The following CDC14A variants were observed in gnomAD, a reference collection of about 807,000 sequenced individuals.
CDC14A encodes the protein cell division cycle 14A, also known as dual specificity protein phosphatase CDC14A.
CDC14A carries 53 observed loss-of-function variants against 74.4 expected under a neutral mutation model. That is an observed-to-expected ratio of 0.71 (90% CI 0.57 to 0.89). The LOEUF (loss-of-function observed/expected upper bound fraction) is 0.89. CDC14A is among the 40% of genes least tolerant of loss of function. The pLI is 0.00. For synonymous variants in CDC14A, 247 were observed against 258.4 expected (o/e 0.96, Z 0.43); for missense variants, 646 against 713.7 (o/e 0.91, Z 1.08).
At chr1:100,454,694 A>G (rs1419277432) in intron 7 of CDC14A, among the ~76,000 whole-genome samples, 1 of 152,224 alleles carries the variant, frequency 6.6e-6, no homozygotes, top group Non-Finnish European at 1.5e-5. Context: ...CTAATTTAAA[A>G]AGTCAACATT....
intron 13 of CDC14A, among the ~76,000 whole-genome samples, chr1:100,496,420 A>G (rs1647837108): frequency 6.6e-6 from 1 of 151,988 alleles, no homozygotes; most frequent in Admixed American, 6.6e-5. Context: ...ATTTTTTCCC[A>G]ATCAGCATGC....
chr1:100,420,031 TACAC>T (rs368385925), intron 4 of CDC14A, among the ~76,000 whole-genome samples: 43 of 82,886 alleles, frequency 5.2e-4, no homozygotes, highest in Admixed American at 8.5e-4. Context: ...TATACATATA[TACAC>T]ACACACACAC....
chr1:100,516,711 G>A (rs894063585), intron 15 of CDC14A, among the ~76,000 whole-genome samples: 3 of 152,046 alleles, frequency 2.0e-5, no homozygotes, highest in African/African-American at 4.8e-5. Context: ...GGTAGCTGGC[G>A]TCCCTCAAGT....
intron 3 of CDC14A, among the ~76,000 whole-genome samples, chr1:100,381,409 C>T (rs537989656): frequency 3.3e-5 from 5 of 152,164 alleles, no homozygotes; most frequent in African/African-American, 9.7e-5. Flanking sequence ...CTAGTAACTT[C>T]GTCTTAGGAT....
intron 5 of CDC14A, among the ~76,000 whole-genome samples, chr1:100,430,279 A>G (rs541004966): frequency 1.1e-4 from 16 of 152,274 alleles, no homozygotes; most frequent in African/African-American, 3.9e-4. Context: ...GGAATATCCA[A>G]GTTTTCTTGC....
chr1:100,443,831 G>A (rs775294323), intron 7 of CDC14A, among the ~76,000 whole-genome samples: 1 of 152,132 alleles, frequency 6.6e-6, no homozygotes, highest in Non-Finnish European at 1.5e-5. Context: ...AGCAGAGTAG[G>A]ATAAGGAGGA....
intron 12 of CDC14A, among the ~76,000 whole-genome samples, chr1:100,495,186 G>A (rs1294529525): frequency 6.6e-6 from 1 of 152,196 alleles, no homozygotes; most frequent in Non-Finnish European, 1.5e-5. Flanking sequence ...CTGGGACTCT[G>A]TTTCAAATTC....
intron 4 of CDC14A, among the ~76,000 whole-genome samples, chr1:100,402,292 A>C (rs1659370114): frequency 6.6e-6 from 1 of 152,202 alleles, no homozygotes; most frequent in African/African-American, 2.4e-5. Context: ...AGTGAGGACT[A>C]TCAGTGTTCC....
At chr1:100,420,448 A>G (rs2101069596) in intron 4 of CDC14A, among the ~76,000 whole-genome samples, 1 of 152,214 alleles carries the variant, frequency 6.6e-6, no homozygotes. Context: ...TTTGCAGATG[A>G]ATTCTAAGAG....
chr1:100,370,261 G>C (rs1654934123), intron 2 of CDC14A, among the ~76,000 whole-genome samples: 1 of 151,940 alleles, frequency 6.6e-6, no homozygotes, highest in Non-Finnish European at 1.5e-5. Context: ...TGGGATTATA[G>C]GCATGAGCCA....
intron 5 of CDC14A, among the ~76,000 whole-genome samples, chr1:100,426,357 CT>C (rs967527800): frequency 6.6e-6 from 1 of 152,186 alleles, no homozygotes; most frequent in Non-Finnish European, 1.5e-5. Flanking sequence ...AAGTGATCCA[CT>C]TGCATCAGCC....
At chr1:100,388,698 C>T (rs886596285) in intron 3 of CDC14A, among the ~76,000 whole-genome samples, 1 of 152,126 alleles carries the variant, frequency 6.6e-6, no homozygotes, top group African/African-American at 2.4e-5. Flanking sequence ...CCTCCATCTC[C>T]TGAGCTTAAG....
intron 9 of CDC14A, among the ~76,000 whole-genome samples, chr1:100,465,077 C>G (rs1041903986): frequency 3.3e-5 from 5 of 151,966 alleles, no homozygotes; most frequent in Non-Finnish European, 7.4e-5. Flanking sequence ...AGGTGCCCAC[C>G]ACCACTCCTG....
chr1:100,475,141 C>A (rs374041859), intron 10 of CDC14A, among the ~76,000 whole-genome samples: 28 of 152,164 alleles, frequency 1.8e-4, no homozygotes, highest in East Asian at 9.6e-4. Context: ...TGGGTAGTTT[C>A]TACTATTCTA....
intron 11 of CDC14A, among the ~76,000 whole-genome samples, chr1:100,490,124 A>G (rs1189357251): frequency 6.6e-6 from 1 of 152,228 alleles, no homozygotes; most frequent in African/African-American, 2.4e-5. Flanking sequence ...GCATTTGCTA[A>G]TAAACATTTT....
At chr1:100,379,986 C>G (rs190282141) in intron 3 of CDC14A, among the ~76,000 whole-genome samples, 7 of 152,258 alleles carry the variant, frequency 4.6e-5, no homozygotes, top group Admixed American at 3.3e-4. Context: ...AAGGCCCCAC[C>G]TCTTAACACT....
intron 4 of CDC14A, among the ~76,000 whole-genome samples, chr1:100,400,208 T>C (rs1659081660): frequency 6.6e-6 from 1 of 152,210 alleles, no homozygotes; most frequent in East Asian, 1.9e-4. Context: ...GTGATTTTGT[T>C]TTTGTTTTTA....
At chr1:100,356,144 A>C (rs1003184299) in intron 2 of CDC14A, among the ~76,000 whole-genome samples, 2 of 152,102 alleles carry the variant, frequency 1.3e-5, no homozygotes, top group Non-Finnish European at 2.9e-5. Context: ...TGTGAAATTG[A>C]GATGTTGGCT....
intron 5 of CDC14A, among the ~76,000 whole-genome samples, chr1:100,431,364 AG>A (rs1458562138): frequency 6.6e-6 from 1 of 151,918 alleles, no homozygotes; most frequent in African/African-American, 2.4e-5. Context: ...GAAGTAGGGT[AG>A]GTGCCAAAGT....
Sources: allele counts gnomAD v4.1 joint callset (sites outside exome capture counted in the v4.1 genomes callset), GRCh38; gene constraint gnomAD v4.1.1; transcripts MANE v1.5; gene names NCBI Gene and HGNC (gene_info 2026-07-23, HGNC 2026-07-21).